IREB2: variants seen among roughly 807,000 people sequenced by gnomAD.
The protein encoded by IREB2 is iron-responsive element-binding protein 2.
In IREB2, 39 loss-of-function variants were observed where a neutral mutation model predicts 118.8. The observed-to-expected ratio is 0.33, with a 90% CI of 0.25 to 0.43. IREB2 has a LOEUF of 0.43. Ranked by LOEUF, IREB2 falls within the 20% of genes least tolerant of loss-of-function variation. The pLI, the probability that IREB2 is intolerant of heterozygous loss-of-function variation, is 1.00. For missense variants in IREB2, 900 were observed against 1,147.3 expected, an observed-to-expected ratio of 0.78 and a Z score of 3.11; for synonymous variants, 372 against 392.2, an observed-to-expected ratio of 0.95 and a Z score of 0.61.
At chr15:78,477,953 G>T (rs920870173) in intron 9 of IREB2, among the ~76,000 whole-genome samples, 1 of 151,804 alleles carries the variant, frequency 6.6e-6, no homozygotes, top group Admixed American at 6.6e-5. Flanking sequence ...GGGGTGTGGT[G>T]GCTCATACCC....
At chr15:78,461,146 G>A (rs1013818898) in intron 2 of IREB2, among the ~76,000 whole-genome samples, 17 of 152,126 alleles carry the variant, frequency 1.1e-4, no homozygotes, top group African/African-American at 3.1e-4. Context: ...TTCAAGATGC[G>A]TCTTTTCCAT....
intron 5 of IREB2, among the ~76,000 whole-genome samples, 154 bp downstream of exon 5, chr15:78,466,643 G>T (rs1408200016): frequency 1.3e-5 from 2 of 152,064 alleles, no homozygotes; most frequent in Non-Finnish European, 2.9e-5. Context: ...TATACTAAAA[G>T]AAGTAAATTT....
upstream of IREB2, chr15:78,438,043 GCGCTCCGCCCC>G: frequency 2.1e-6 from 1 of 476,454 alleles, no homozygotes; most frequent in Non-Finnish European, 3.8e-6. Context: ...AGCCTCCCCA[GCGCTCCGCCCC>G]CGCTCGCGAG....
At chr15:78,497,338 ATT>A in intron 21 of IREB2, 27 bp downstream of exon 21, 1 of 1,431,404 alleles carries the variant, frequency 7.0e-7, no homozygotes, top group Non-Finnish European at 9.8e-7. Flanking sequence ...CAAATATATG[ATT>A]ATGCACTCAA....
intron 2 of IREB2, among the ~76,000 whole-genome samples, chr15:78,450,663 A>C (rs576902047): frequency 2.0e-5 from 3 of 152,304 alleles, no homozygotes; most frequent in Non-Finnish European, 4.4e-5. Context: ...ATGACCCTCG[A>C]GGCAGCTTAC....
At chr15:78,453,823 T>C (rs1219656794) in intron 2 of IREB2, among the ~76,000 whole-genome samples, 1 of 151,966 alleles carries the variant, frequency 6.6e-6, no homozygotes, top group Admixed American at 6.6e-5. Context: ...TGATGTGGAG[T>C]GTGGGAAAAT....
intron 12 of IREB2, 88 bp downstream of exon 12, chr15:78,485,008 C>A: frequency 2.5e-6 from 3 of 1,189,110 alleles, no homozygotes; most frequent in Non-Finnish European, 3.6e-6. Flanking sequence ...TTAGATGATG[C>A]ATGAGTGTCT....
intron 2 of IREB2, among the ~76,000 whole-genome samples, chr15:78,442,017 G>T (rs1004190365): frequency 4.0e-5 from 6 of 151,746 alleles, no homozygotes; most frequent in Non-Finnish European, 5.9e-5. Context: ...AGCGATTCTC[G>T]TGCCTTAACC....
At chr15:78,457,309 A>C (rs78357711) in intron 2 of IREB2, among the ~76,000 whole-genome samples, 1 of 152,018 alleles carries the variant, frequency 6.6e-6, no homozygotes, top group African/African-American at 2.4e-5. Flanking sequence ...TGTAGCTTGC[A>C]CAGCCGTTGT....
chr15:78,444,182 C>G (rs1421101077), intron 2 of IREB2, among the ~76,000 whole-genome samples: 1 of 152,080 alleles, frequency 6.6e-6, no homozygotes, highest in East Asian at 1.9e-4. Context: ...CTCACCCTCT[C>G]AAGTAGCTGA....
At chr15:78,493,194 T>C (rs1233450633) in intron 18 of IREB2, among the ~76,000 whole-genome samples, 2 of 140,736 alleles carry the variant, frequency 1.4e-5, no homozygotes, top group Admixed American at 1.6e-4. Flanking sequence ...CAAGTAACTT[T>C]ATTGCATCAG....
intron 2 of IREB2, among the ~76,000 whole-genome samples, chr15:78,453,346 C>T (rs1323368844): frequency 6.6e-6 from 1 of 151,870 alleles, no homozygotes; most frequent in African/African-American, 2.4e-5. Flanking sequence ...GCTAGACCTG[C>T]TTCATTCGTG....
In IREB2 at chr15:78,488,590, A is replaced by C. The variant is rs1394743140; in HGVS notation, c.1952-57A>C. On this transcript the variant is annotated intron_variant, in intron 15 of 21. Transcript: ENST00000258886. Reference sequence around the variant, plus strand: ...TTCCATGATATGTCTTTGAAAAGGTATGAACATTTTCAGAGTTATTTTTTT... The same window carrying C: ...TTCCATGATATGTCTTTGAAAAGGTCTGAACATTTTCAGAGTTATTTTTTT... 2.0e-6 allele frequency: 3 copies of C among 1,503,632 alleles called. No homozygotes were observed. In the African/African-American group the frequency reaches 4.2e-5, roughly 21 times the overall value. 93.1% of individuals were successfully genotyped at this position (1,503,632 alleles called of 1,614,324 possible). A position where few individuals can be genotyped will look rare whatever the true frequency, so the allele number is the denominator to read the frequency against.
intron 2 of IREB2, among the ~76,000 whole-genome samples, chr15:78,461,284 C>T (rs934195887): frequency 6.6e-6 from 1 of 152,154 alleles, no homozygotes; most frequent in Non-Finnish European, 1.5e-5. Flanking sequence ...TCACAGTAAA[C>T]AGATGAGTTA....
chr15:78,490,595 A>G, intron 17 of IREB2, 24 bp from the exon 18 acceptor site: 1 of 1,612,930 alleles, frequency 6.2e-7, no homozygotes. Context: ...AAAGAGTTAA[A>G]TGCCTTGAAC....
At chr15:78,489,051 C>G (rs2051706964) in intron 16 of IREB2, among the ~76,000 whole-genome samples, 1 of 152,098 alleles carries the variant, frequency 6.6e-6, no homozygotes, top group African/African-American at 2.4e-5. Context: ...GAAACCGCAT[C>G]TCTACTAAAA....
intron 2 of IREB2, among the ~76,000 whole-genome samples, chr15:78,449,626 C>T (rs2050989229): frequency 6.6e-6 from 1 of 152,194 alleles, no homozygotes; most frequent in African/African-American, 2.4e-5. Flanking sequence ...ACAAGCAAAA[C>T]ATGTCTGCAA....
At chr15:78,491,441 C>T (rs924158741) in intron 18 of IREB2, among the ~76,000 whole-genome samples, 3 of 151,978 alleles carry the variant, frequency 2.0e-5, no homozygotes, top group Non-Finnish European at 4.4e-5. Flanking sequence ...TTGTTTGATG[C>T]TTGAGTAATT....
At chr15:78,441,610 T>A (rs2050845448) in intron 2 of IREB2, among the ~76,000 whole-genome samples, 1 of 152,228 alleles carries the variant, frequency 6.6e-6, no homozygotes, top group East Asian at 1.9e-4. Context: ...GAAGATGACC[T>A]AAATTTCTCA....
Sources: gnomAD v4.1 joint callset for allele counts (sites outside exome capture counted in the v4.1 genomes callset) on GRCh38, gnomAD v4.1.1 for gene constraint, MANE v1.5 for transcripts, NCBI Gene and HGNC (gene_info 2026-07-23, HGNC 2026-07-21) for gene names.